Variants in ARHGEF28 observed in about 807,000 individuals in gnomAD.
The protein encoded by ARHGEF28 is Rho guanine nucleotide exchange factor 28, also known as 190 kDa guanine nucleotide exchange factor.
In ARHGEF28, 152 loss-of-function variants were observed where a neutral mutation model predicts 206.6. The observed-to-expected ratio is 0.74, with a 90% CI of 0.64 to 0.84. ARHGEF28 has a LOEUF of 0.84. Among genes scored for constraint, ARHGEF28 ranks in the 40% least tolerant of loss-of-function variants. The probability of loss-of-function intolerance (pLI) is 0.00; values close to 1 mark genes in which losing one functional copy is unlikely to be tolerated. For missense variants in ARHGEF28, 2,028 were observed against 2,073.2 expected, an observed-to-expected ratio of 0.98 and a Z score of 0.42; for synonymous variants, 763 against 776.4, an observed-to-expected ratio of 0.98 and a Z score of 0.29.
intron 33 of ARHGEF28, among the ~76,000 whole-genome samples, chr5:73,906,634 A>G (rs1361031519): frequency 6.6e-6 from 1 of 152,218 alleles, no homozygotes; most frequent in Non-Finnish European, 1.5e-5. Flanking sequence ...ATAATCACTT[A>G]CTTGTCTTAT....
At chr5:73,770,321 T>A (rs1753152379) in intron 4 of ARHGEF28, among the ~76,000 whole-genome samples, 1 of 152,200 alleles carries the variant, frequency 6.6e-6, no homozygotes, top group Non-Finnish European at 1.5e-5. Flanking sequence ...CCTTCCTATC[T>A]GGGGCAGTTG....
chr5:73,874,298 A>G (rs1450226202), intron 22 of ARHGEF28, among the ~76,000 whole-genome samples: 1 of 152,138 alleles, frequency 6.6e-6, no homozygotes, highest in Non-Finnish European at 1.5e-5. Context: ...GTGATTGACA[A>G]ACTTTCTCTA....
chr5:73,892,371 C>T, intron 27 of ARHGEF28, 141 bp downstream of exon 27: 2 of 883,710 alleles, frequency 2.3e-6, no homozygotes, highest in Non-Finnish European at 3.4e-6. Flanking sequence ...TGCGATAGCC[C>T]CCCATCTGCA....
chr5:73,656,122 C>T (rs1337069935), intron 1 of ARHGEF28, among the ~76,000 whole-genome samples: 2 of 152,208 alleles, frequency 1.3e-5, no homozygotes, highest in African/African-American at 2.4e-5. Context: ...CGAAAAGCCT[C>T]CCTTCTTCCC....
intron 35 of ARHGEF28, among the ~76,000 whole-genome samples, chr5:73,921,330 A>G (rs1561196908): frequency 1.3e-5 from 2 of 152,294 alleles, no homozygotes; most frequent in East Asian, 3.9e-4. Flanking sequence ...GCTAAGGAGG[A>G]AGAGTTGTTC....
In ARHGEF28 at chr5:73,864,819, T is replaced by C; in HGVS notation, c.2050T>C (p.Cys684Arg). The C allele has an allele frequency of 1.2e-6, 2 of 1,612,590 alleles. No individual in the cohort carries two copies. The highest frequency in any genetic ancestry group is 1.7e-6 in the Non-Finnish European group (2 of 1,179,192). Residue 684 changes from cysteine (C) to arginine (R), a missense_variant and splice_region_variant, in exon 17 of 36, where the codon TGT (cysteine) becomes CGT (arginine). Cys to Arg is a radical substitution (Grantham distance 180, BLOSUM62 -3). Transcript: ENST00000513042. ...TGTATCTTTTCCCTTTATTTCAGAC[T>C]GTAATGCAAATGTGCACAAAGGTTG... ...LGKESLQCSNCNANVHKGCKD... is the reference protein window; with the variant it reads ...LGKESLQCSNRNANVHKGCKD...
intron 35 of ARHGEF28, among the ~76,000 whole-genome samples, chr5:73,936,695 A>G (rs1252815415): frequency 6.6e-6 from 1 of 152,186 alleles, no homozygotes; most frequent in Non-Finnish European, 1.5e-5. Flanking sequence ...TTCACATCAC[A>G]GTTTAGGAGG....
At chr5:73,884,168 T>C (rs1761123844) in intron 24 of ARHGEF28, among the ~76,000 whole-genome samples, 1 of 152,210 alleles carries the variant, frequency 6.6e-6, no homozygotes, top group African/African-American at 2.4e-5. Context: ...CTGGGCTTTC[T>C]TAATACCTCC....
At chr5:73,770,528 T>G (rs759591853) in intron 4 of ARHGEF28, among the ~76,000 whole-genome samples, 85 of 152,174 alleles carry the variant, frequency 5.6e-4, no homozygotes, top group Admixed American at 5.2e-4. Context: ...GGAAGAGACA[T>G]TTATTTAGTT....
chr5:73,846,238 C>G, intron 11 of ARHGEF28, 30 bp from the exon 12 acceptor site: 4 of 1,603,016 alleles, frequency 2.5e-6, no homozygotes, highest in Non-Finnish European at 3.4e-6. Context: ...TTCCTTGCTT[C>G]TTTACTTACT....
At chr5:73,934,143 G>T (rs747258555) in intron 35 of ARHGEF28, among the ~76,000 whole-genome samples, 3 of 152,108 alleles carry the variant, frequency 2.0e-5, no homozygotes, top group Non-Finnish European at 4.4e-5. Flanking sequence ...CTGTGGAAAA[G>T]ACAGGTTCAA....
rs73103870 is a variant in ARHGEF28, at chr5:73,885,267, A to T, written c.3056-583A>T. Among the ~76,000 whole-genome samples, 1,245 of 152,100 alleles carry T rather than the reference A, an allele frequency of 8.2e-3. 25 individuals carry two copies. Among genetic ancestry groups the T allele is most frequent in the African/African-American group, 0.028 (1,172 of 41,490 alleles). On this transcript the variant is annotated intron_variant, in intron 24 of 35. Coordinates refer to ENST00000513042, the MANE Select transcript of ARHGEF28 (RefSeq NM_001177693.2). ...AGATTATTGATTACCTATGTCTAAG[A>T]AGGTGGAAGGAAGGCCTAAGTTAGT...
intron 2 of ARHGEF28, among the ~76,000 whole-genome samples, chr5:73,744,026 T>C (rs879840742): frequency 9.9e-5 from 15 of 152,090 alleles, no homozygotes; most frequent in Non-Finnish European, 1.3e-4. Flanking sequence ...TTCTCTTTAA[T>C]AAACAAGGTT....
At chr5:73,814,983 C>T (rs755977938) in intron 9 of ARHGEF28, among the ~76,000 whole-genome samples, 23 of 151,956 alleles carry the variant, frequency 1.5e-4, no homozygotes, top group Non-Finnish European at 2.8e-4. Context: ...ATTCAATATA[C>T]AATTTTAAGA....
In ARHGEF28 at chr5:73,790,693, A is replaced by G. The variant is rs1356282330; in HGVS notation, c.911-3709A>G. 2.6e-5 allele frequency among the ~76,000 whole-genome samples: 4 copies of G among 152,274 alleles called. No homozygotes were observed. In the East Asian group the frequency reaches 7.7e-4, roughly 29 times the overall value. On this transcript the variant is annotated intron_variant, in intron 7 of 35. Transcript: ENST00000513042. Reference sequence around the variant, plus strand: ...GTCCCACTTTTAGGAAAAAAAAAAAAAAAGGAATAACTGGGATATTGAAAC... The same window carrying G: ...GTCCCACTTTTAGGAAAAAAAAAAAGAAAGGAATAACTGGGATATTGAAAC...
intron 3 of ARHGEF28, among the ~76,000 whole-genome samples, chr5:73,752,325 A>T (rs193017351): frequency 2.6e-4 from 39 of 152,294 alleles, no homozygotes; most frequent in Admixed American, 2.2e-3. Flanking sequence ...AGACAGAGAC[A>T]CTATTGTCAG....
At chr5:73,644,342 T>C (rs1744302352) in intron 1 of ARHGEF28, among the ~76,000 whole-genome samples, 2 of 152,252 alleles carry the variant, frequency 1.3e-5, no homozygotes, top group Admixed American at 1.3e-4. Flanking sequence ...TTTCAGATTT[T>C]ACCATTTCTC....
chr5:73,881,441 C>A (rs1302329961), intron 22 of ARHGEF28, among the ~76,000 whole-genome samples: 2 of 152,134 alleles, frequency 1.3e-5, no homozygotes, highest in Non-Finnish European at 2.9e-5. Context: ...TATAGCACTT[C>A]ATTTATTTAG....
intron 1 of ARHGEF28, among the ~76,000 whole-genome samples, chr5:73,683,996 T>C (rs1453417198): frequency 6.6e-6 from 1 of 152,206 alleles, no homozygotes; most frequent in Non-Finnish European, 1.5e-5. Context: ...ATATATTTTT[T>C]CAAATTCAAA....
Sources: gnomAD v4.1 joint callset for allele counts (sites outside exome capture counted in the v4.1 genomes callset) on GRCh38, gnomAD v4.1.1 for gene constraint, MANE v1.5 for transcripts, NCBI Gene and HGNC (gene_info 2026-07-23, HGNC 2026-07-21) for gene names.